The following MACROD2 variants were observed in gnomAD, a reference collection of about 807,000 sequenced individuals.
The protein encoded by MACROD2 is mono-ADP ribosylhydrolase 2, also known as ADP-ribose glycohydrolase MACROD2.
A neutral mutation model predicts 70.4 loss-of-function variants in MACROD2; 36 were observed. That is an observed-to-expected ratio of 0.51 (90% CI 0.39 to 0.68). The LOEUF (loss-of-function observed/expected upper bound fraction) is 0.68, where lower values mean the gene tolerates loss of function less well. Among genes scored for constraint, MACROD2 ranks in the 30% least tolerant of loss-of-function variants. MACROD2 has a pLI of 0.00. For missense variants in MACROD2, 496 were observed against 538.4 expected (o/e 0.92, Z 0.78); for synonymous variants, 172 against 178.8 (o/e 0.96, Z 0.30).
chr20:15,359,402 C>T (rs975100565), intron 6 of MACROD2, among the ~76,000 whole-genome samples: 8 of 151,776 alleles, frequency 5.3e-5, no homozygotes, highest in Non-Finnish European at 5.9e-5. Context: ...AATACTCTGG[C>T]AGCCATAAAA....
rs544439721 is a variant in MACROD2, at chr20:15,102,283, C to A, written c.419-127657C>A. Reference sequence around the variant, plus strand: ...AAATAAGTTATTTCACATAAAAAATCTAACTATATGAAATATTGCCAAGCA... The same window carrying A: ...AAATAAGTTATTTCACATAAAAAATATAACTATATGAAATATTGCCAAGCA... On this transcript the variant is annotated intron_variant, in intron 5 of 17. Transcript: ENST00000684519. Among the ~76,000 whole-genome samples, 22 of 152,062 alleles carry A rather than the reference C, an allele frequency of 1.4e-4. No homozygotes were observed. In the South Asian group the frequency reaches 4.4e-3, roughly 30 times the overall value.
intron 3 of MACROD2, among the ~76,000 whole-genome samples, chr20:14,419,051 TTG>T (rs1568603495): frequency 6.6e-6 from 1 of 151,764 alleles, no homozygotes. Context: ...AGGATTTTTT[TTG>T]TTTTGTTTTT....
Position 15,627,617 on chromosome 20 carries a change from C to T in MACROD2, c.645+127770C>T, listed in dbSNP as rs533343771. 4.7e-4 allele frequency among the ~76,000 whole-genome samples: 71 copies of T among 151,936 alleles called. 1 individual carries two copies. In the Middle Eastern group the frequency reaches 0.014, roughly 29 times the overall value. On this transcript the variant is annotated intron_variant, in intron 8 of 17. Transcript: ENST00000684519. ...TGAGCTGACTTACTTCTGGGTGGGG[C>T]AACAGAAGCAAGAGCAAGGTTGGTG... is the stretch of plus-strand genomic sequence containing the variant.
intron 11 of MACROD2, among the ~76,000 whole-genome samples, chr20:15,935,758 C>A (rs2065648705): frequency 6.6e-6 from 1 of 152,152 alleles, no homozygotes; most frequent in South Asian, 2.1e-4. Context: ...CCAATAAAAA[C>A]AACATCTCTG....
intron 6 of MACROD2, among the ~76,000 whole-genome samples, chr20:15,372,528 T>C (rs2045507591): frequency 6.6e-6 from 1 of 152,222 alleles, no homozygotes. Context: ...TTTGTGTTCA[T>C]TGCTCATTTT....
At chr20:14,455,704 A>G (rs1266388696) in intron 3 of MACROD2, among the ~76,000 whole-genome samples, 1 of 151,730 alleles carries the variant, frequency 6.6e-6, no homozygotes, top group East Asian at 1.9e-4. Context: ...AACCAACATC[A>G]TTATTTTTTG....
chr20:14,561,750 G>A (rs189635497), intron 4 of MACROD2, among the ~76,000 whole-genome samples: 5 of 151,834 alleles, frequency 3.3e-5, no homozygotes, highest in African/African-American at 7.2e-5. Flanking sequence ...ATGACAAATC[G>A]AAATCTGTCA....
At chr20:14,619,581 A>T (rs1983712299) in intron 4 of MACROD2, among the ~76,000 whole-genome samples, 1 of 149,638 alleles carries the variant, frequency 6.7e-6, no homozygotes, top group African/African-American at 2.4e-5. Context: ...GAGGGAAAAG[A>T]AAAAAAGGAG....
intron 8 of MACROD2, among the ~76,000 whole-genome samples, chr20:15,843,400 G>A (rs530211307): frequency 2.0e-4 from 31 of 152,120 alleles, no homozygotes; most frequent in Non-Finnish European, 3.8e-4. Flanking sequence ...GTTCATGTTC[G>A]TGTGTTGACA....
intron 3 of MACROD2, chr20:14,127,295 C>T: frequency 3.6e-6 from 1 of 280,258 alleles, no homozygotes; most frequent in Non-Finnish European, 6.7e-6. Flanking sequence ...CTGTGAAGGC[C>T]AAGAGAGGTG....
At chr20:15,826,912 T>C (rs2064003177) in intron 8 of MACROD2, among the ~76,000 whole-genome samples, 1 of 152,222 alleles carries the variant, frequency 6.6e-6, no homozygotes, top group Admixed American at 6.5e-5. Context: ...AGCATTAACA[T>C]ATTCCAGTAC....
chr20:14,563,370 T>C (rs528437418), intron 4 of MACROD2, among the ~76,000 whole-genome samples: 1 of 152,070 alleles, frequency 6.6e-6, no homozygotes, highest in South Asian at 2.1e-4. Flanking sequence ...GAAAAATGTC[T>C]TCATTATTTT....
At chr20:14,250,398 C>A (rs1292088515) in intron 3 of MACROD2, among the ~76,000 whole-genome samples, 2 of 151,826 alleles carry the variant, frequency 1.3e-5, no homozygotes, top group Non-Finnish European at 2.9e-5. Context: ...TACATGATAA[C>A]CATTATTAAT....
rs16994926 is a variant in MACROD2, at chr20:14,766,424, G to C, written c.418+81465G>C. Among the ~76,000 whole-genome samples, 24 of 152,186 alleles carry C rather than the reference G, an allele frequency of 1.6e-4. No individual in the cohort carries two copies. In the South Asian group the frequency reaches 2.9e-3, roughly 18 times the overall value. On this transcript the variant is annotated intron_variant, in intron 5 of 17. Coordinates refer to ENST00000684519, the MANE Select transcript of MACROD2 (RefSeq NM_001351661.2). The stretch of plus-strand genomic sequence containing the variant: ...GAAGTGCTGATAAAGTGAACACTTG[G>C]TGGTAAAAGGCAATTTTATGGCAGC...
At chr20:14,926,147 T>G (rs569574319) in intron 5 of MACROD2, among the ~76,000 whole-genome samples, 1 of 151,878 alleles carries the variant, frequency 6.6e-6, no homozygotes, top group East Asian at 1.9e-4. Context: ...ATCTTCACAC[T>G]TTTGCCTAAA....
chr20:15,126,613 T>G (rs2076069127), intron 5 of MACROD2, among the ~76,000 whole-genome samples: 2 of 152,096 alleles, frequency 1.3e-5, no homozygotes, highest in Admixed American at 1.3e-4. Context: ...AAAGTCTACT[T>G]GTCTGTAAAT....
chr20:15,298,612 T>A (rs2077612988), intron 6 of MACROD2, among the ~76,000 whole-genome samples: 1 of 152,264 alleles, frequency 6.6e-6, no homozygotes, highest in Admixed American at 6.5e-5. Flanking sequence ...TAAAAGACTT[T>A]GAAACTAGTG....
intron 3 of MACROD2, among the ~76,000 whole-genome samples, chr20:14,201,805 C>T (rs1342908901): frequency 6.7e-6 from 1 of 150,250 alleles, no homozygotes; most frequent in Non-Finnish European, 1.5e-5. Context: ...CGCCACTGCA[C>T]TCCAGCCTGG....
chr20:14,916,874 T>C (rs2122619141), intron 5 of MACROD2, among the ~76,000 whole-genome samples: 1 of 151,972 alleles, frequency 6.6e-6, no homozygotes, highest in Admixed American at 6.5e-5. Context: ...TGGAAAAAAA[T>C]ATATCTTTTT....
Sources: allele counts gnomAD v4.1 joint callset (sites outside exome capture counted in the v4.1 genomes callset), GRCh38; gene constraint gnomAD v4.1.1; transcripts MANE v1.5; gene names NCBI Gene and HGNC (gene_info 2026-07-23, HGNC 2026-07-21).